Variants in PINX1 observed in about 807,000 individuals in gnomAD.
PINX1 encodes PIN2 (TERF1) interacting telomerase inhibitor 1, also known as PIN2/TERF1-interacting telomerase inhibitor 1.
A neutral mutation model predicts 25.4 loss-of-function variants in PINX1; 34 were observed. That is an observed-to-expected ratio of 1.34 (90% confidence interval 1.02 to 1.78). PINX1 has a LOEUF of 1.78. PINX1 is among the 40% of genes most tolerant of loss of function. PINX1 has a pLI of 0.00. For synonymous variants in PINX1, 197 were observed against 147.7 expected (o/e 1.33, Z -2.42); for missense variants, 592 against 404.9 (o/e 1.46, Z -3.97).
chr8:10,769,267 T>C (rs1801151740), intron 6 of PINX1, among the ~76,000 whole-genome samples: 1 of 152,204 alleles, frequency 6.6e-6, no homozygotes, highest in Admixed American at 6.5e-5. Context: ...AAAACCGTGA[T>C]TACTTTTGCA....
At chr8:10,777,650 G>A (rs551533826) in intron 6 of PINX1, among the ~76,000 whole-genome samples, 6 of 152,250 alleles carry the variant, frequency 3.9e-5, no homozygotes, top group African/African-American at 1.4e-4. Flanking sequence ...AAAATGGTTT[G>A]GTCCCCCCAA....
At chr8:10,793,001 G>A (rs373601242) in intron 6 of PINX1, among the ~76,000 whole-genome samples, 1 of 152,102 alleles carries the variant, frequency 6.6e-6, no homozygotes, top group South Asian at 2.1e-4. Flanking sequence ...CACTTCCATG[G>A]ATTTGCTAGA....
Position 10,765,472 on chromosome 8 carries a change from C to A in PINX1, c.916G>T (p.Val306Leu). Residue 306 changes from valine to leucine, a missense_variant, in exon 7 of 7, where the codon GTA becomes TTA. Physicochemically the swap from Val to Leu is conservative, Grantham distance 32. Transcript: ENST00000314787. ...AGTGTAGCGTCCTCTGCTATCTCTA[C>A]TGGTTTTTGCAGCTTTTTCTTCCCT... ...RRGKKKLQKPVEIAEDATLEE... is the reference protein window; with the variant it reads ...RRGKKKLQKPLEIAEDATLEE... The A allele has an allele frequency of 6.2e-7, 1 of 1,613,376 alleles. No individual in the cohort carries two copies. Among genetic ancestry groups the A allele is most frequent in the Non-Finnish European group, 8.5e-7 (1 of 1,179,876 alleles).
chr8:10,833,349 A>G (rs371839428), intron 2 of PINX1: 140 of 164,700 alleles, frequency 8.5e-4, no homozygotes, highest in African/African-American at 2.7e-3. Context: ...ATTTTATTTT[A>G]AAGACAATGG....
rs370831012 is a variant in PINX1, at chr8:10,820,177, G to T, written c.471+16C>A. The T allele has an allele frequency of 6.5e-7, 1 of 1,528,442 alleles. No individual in the cohort carries two copies. The highest frequency in any genetic ancestry group is 9.1e-7 in the Non-Finnish European group (1 of 1,102,476). The allele number at this position is 1,528,442 out of a possible 1,614,324, so 94.7% of individuals were successfully genotyped here. A position where few individuals can be genotyped will look rare whatever the true frequency, so the allele number is the denominator to read the frequency against. ...AGTATTAAAGCGGAACACGGAAACT[G>T]TACGTGGCTTTATACCTCGGGAGTC... is the stretch of plus-strand genomic sequence containing the variant. On this transcript the variant is annotated intron_variant, in intron 6 of 6. Transcript: ENST00000314787.
At chr8:10,827,263 G>C (rs542746513) in intron 4 of PINX1, among the ~76,000 whole-genome samples, 1 of 152,204 alleles carries the variant, frequency 6.6e-6, no homozygotes, top group African/African-American at 2.4e-5. Context: ...ACGATTAGGT[G>C]ACGCATGGAG....
rs1798332522 is a variant in PINX1, at chr8:10,834,481, G to C, written c.129+185C>G. The C allele has an allele frequency of 4.9e-6, 4 of 814,968 alleles. No individual in the cohort carries two copies. In the African/African-American group the frequency reaches 7.0e-5, roughly 14 times the overall value. 50.5% of individuals were successfully genotyped at this position (814,968 alleles called of 1,614,324 possible). A position where few individuals can be genotyped will look rare whatever the true frequency, so the allele number is the denominator to read the frequency against. Reference sequence around the variant, plus strand: ...GCTAAGCATGGCAGCTTAAATGATAGAAAGTTGACACTTATGTCCAATCCT... The same window carrying C: ...GCTAAGCATGGCAGCTTAAATGATACAAAGTTGACACTTATGTCCAATCCT... On this transcript the variant is annotated intron_variant, in intron 2 of 6. Coordinates refer to ENST00000314787, the MANE Select transcript of PINX1 (RefSeq NM_017884.6).
chr8:10,797,934 A>G (rs958061967), intron 6 of PINX1, among the ~76,000 whole-genome samples: 16 of 152,236 alleles, frequency 1.1e-4, no homozygotes. Context: ...TGCAGGTGGG[A>G]CATTCTAAAT....
chr8:10,812,239 A>T (rs1797545620), intron 6 of PINX1, among the ~76,000 whole-genome samples: 1 of 152,232 alleles, frequency 6.6e-6, no homozygotes, highest in Admixed American at 6.5e-5. Context: ...TAAGTAGATA[A>T]AGCCAAAATT....
intron 6 of PINX1, among the ~76,000 whole-genome samples, chr8:10,783,330 T>C (rs567414414): frequency 2.0e-4 from 31 of 152,306 alleles, no homozygotes; most frequent in South Asian, 1.2e-3. Flanking sequence ...ATTTCTGGGA[T>C]GGATTTGTTT....
chr8:10,806,351 G>A (rs1279435326), intron 6 of PINX1, among the ~76,000 whole-genome samples: 2 of 152,222 alleles, frequency 1.3e-5, no homozygotes, highest in Non-Finnish European at 1.5e-5. Context: ...CACCACGGCC[G>A]TACTTAAATA....
chr8:10,818,985 C>T (rs1797784392), intron 6 of PINX1, among the ~76,000 whole-genome samples: 1 of 152,194 alleles, frequency 6.6e-6, no homozygotes, highest in Non-Finnish European at 1.5e-5. Flanking sequence ...CCTGTCTGAC[C>T]ATGGCTCTTT....
intron 6 of PINX1, among the ~76,000 whole-genome samples, chr8:10,812,421 G>C (rs988558539): frequency 1.3e-5 from 2 of 152,202 alleles, no homozygotes; most frequent in Admixed American, 6.5e-5. Context: ...GGAAGGGCTT[G>C]AATGCATTTA....
intron 6 of PINX1, among the ~76,000 whole-genome samples, chr8:10,802,348 A>G (rs1188613943): frequency 2.6e-5 from 4 of 152,162 alleles, no homozygotes; most frequent in Admixed American, 6.5e-5. Context: ...CACTCATGAC[A>G]TTCCCTTGGA....
At position 10,839,832 on chromosome 8, in the gene PINX1, A is replaced by C. The variant is rs1779226430; in HGVS notation, c.-76T>G. ...CTGGGCGGGCTGGAGACTCCAGGAGAATCAGGACGTGCGTAACTCCCTCGC... is the reference window on the plus strand; with the variant it reads ...CTGGGCGGGCTGGAGACTCCAGGAGCATCAGGACGTGCGTAACTCCCTCGC... On this transcript the variant is annotated 5_prime_UTR_variant, in exon 1 of 7. It adds an upstream start codon to the 5' untranslated region. Coordinates refer to ENST00000314787, the MANE Select transcript of PINX1 (RefSeq NM_017884.6). 1 of 1,422,028 alleles carries C rather than the reference A, an allele frequency of 7.0e-7. No individual in the cohort carries two copies. Among genetic ancestry groups the C allele is most frequent in the Non-Finnish European group, 9.7e-7 (1 of 1,032,636 alleles). 88.1% of individuals were successfully genotyped at this position (1,422,028 alleles called of 1,614,324 possible).
intron 4 of PINX1, among the ~76,000 whole-genome samples, chr8:10,829,369 G>C (rs1035831377): frequency 6.6e-6 from 1 of 151,664 alleles, no homozygotes; most frequent in African/African-American, 2.4e-5. Context: ...AAATTTTCTG[G>C]CCTTAATCGT....
intron 6 of PINX1, among the ~76,000 whole-genome samples, chr8:10,801,371 T>C (rs1355185886): frequency 6.6e-6 from 1 of 152,214 alleles, no homozygotes; most frequent in Non-Finnish European, 1.5e-5. Context: ...CTTTATGCCT[T>C]AAAGAGTCTC....
intron 6 of PINX1, among the ~76,000 whole-genome samples, chr8:10,798,694 G>T (rs1288270935): frequency 2.0e-5 from 3 of 152,122 alleles, no homozygotes; most frequent in Non-Finnish European, 4.4e-5. Flanking sequence ...CTCTCAAAAG[G>T]TAGAGACACC....
intron 6 of PINX1, among the ~76,000 whole-genome samples, chr8:10,817,570 T>C (rs1011385494): frequency 1.3e-5 from 2 of 152,240 alleles, no homozygotes; most frequent in Non-Finnish European, 2.9e-5. Flanking sequence ...TTGTCTTAAA[T>C]GTGATTACAT....
Sources: gnomAD v4.1 joint callset for allele counts (sites outside exome capture counted in the v4.1 genomes callset) on GRCh38, gnomAD v4.1.1 for gene constraint, MANE v1.5 for transcripts, NCBI Gene and HGNC (gene_info 2026-07-23, HGNC 2026-07-21) for gene names.